ZMAT4: variants seen among roughly 807,000 people sequenced by gnomAD.
The protein encoded by ZMAT4 is zinc finger matrin-type protein 4.
A neutral mutation model predicts 28.7 loss-of-function variants in ZMAT4; 17 were observed. The observed-to-expected ratio is 0.59, with a 90% confidence interval of 0.41 to 0.89. The LOEUF is 0.89. Ranked by LOEUF, ZMAT4 falls within the 40% of genes least tolerant of loss-of-function variation. The probability of loss-of-function intolerance (pLI) is 0.00; values close to 1 mark genes in which losing one functional copy is unlikely to be tolerated. For synonymous variants in ZMAT4, 117 were observed against 109.2 expected (o/e 1.07, Z -0.44); for missense variants, 240 against 283.8 (o/e 0.85, Z 1.11).
At chr8:40,684,289 A>G (rs1809304622) in intron 4 of ZMAT4, among the ~76,000 whole-genome samples, 1 of 152,218 alleles carries the variant, frequency 6.6e-6, no homozygotes. Context: ...TGATCTGCTA[A>G]CTGGGCACTG....
chr8:40,679,373 C>A (rs1054506945), intron 4 of ZMAT4, among the ~76,000 whole-genome samples: 1 of 152,092 alleles, frequency 6.6e-6, no homozygotes, highest in African/African-American at 2.4e-5. Context: ...TCTCACCCTA[C>A]TAATAAAGAC....
At chr8:40,867,100 T>A (rs1454972684) in intron 1 of ZMAT4, among the ~76,000 whole-genome samples, 1 of 152,202 alleles carries the variant, frequency 6.6e-6, no homozygotes, top group Non-Finnish European at 1.5e-5. Context: ...CTCTAGCCGA[T>A]GTTATTGCAA....
chr8:40,889,031 A>G (rs1818571172), intron 1 of ZMAT4, among the ~76,000 whole-genome samples: 1 of 152,224 alleles, frequency 6.6e-6, no homozygotes, highest in Non-Finnish European at 1.5e-5. Flanking sequence ...CATACCTAAC[A>G]AAACCACTCA....
chr8:40,581,933 CT>C (rs1804478353), intron 5 of ZMAT4, among the ~76,000 whole-genome samples: 1 of 152,180 alleles, frequency 6.6e-6, no homozygotes, highest in Admixed American at 6.5e-5. Context: ...AAAATCTTGA[CT>C]GATCTAGAGC....
chr8:40,880,357 G>A (rs1434057653), intron 1 of ZMAT4, among the ~76,000 whole-genome samples: 1 of 145,388 alleles, frequency 6.9e-6, no homozygotes, highest in Non-Finnish European at 1.5e-5. Flanking sequence ...CAACAAGAGC[G>A]AAACTCCATC....
intron 4 of ZMAT4, among the ~76,000 whole-genome samples, chr8:40,686,434 C>T (rs1434031791): frequency 6.6e-6 from 1 of 151,922 alleles, no homozygotes. Context: ...CACTGTACTC[C>T]AACCTGGGTA....
chr8:40,746,113 CAAATTT>C (rs1481228780), intron 3 of ZMAT4, among the ~76,000 whole-genome samples: 1 of 152,076 alleles, frequency 6.6e-6, no homozygotes, highest in Non-Finnish European at 1.5e-5. Context: ...AGCTCACACA[CAAATTT>C]AACTCTTCCA....
rs532588476 is a variant in ZMAT4, at chr8:40,847,584, G to A, written c.-4-21904C>T. Among the ~76,000 whole-genome samples the A allele has an allele frequency of 6.6e-5, 10 of 152,334 alleles. No individual in the cohort carries two copies. The South Asian group carries it at 1.0e-3, about 16-fold the overall frequency. ...CTGGGAAATTTCCGCTTCTTCCTCTGCAGCATGTCAGGTATGCTCTGAGAC... is the reference window on the plus strand; with the variant it reads ...CTGGGAAATTTCCGCTTCTTCCTCTACAGCATGTCAGGTATGCTCTGAGAC... On this transcript the variant is annotated intron_variant, in intron 1 of 6. Transcript: ENST00000297737.
chr8:40,702,303 C>CG (rs758009960), intron 3 of ZMAT4, among the ~76,000 whole-genome samples: 80 of 152,106 alleles, frequency 5.3e-4, no homozygotes, highest in Admixed American at 1.2e-3. Flanking sequence ...ATATATAGCC[C>CG]GGGGTAGAAA....
chr8:40,646,065 T>C (rs1255717386), intron 5 of ZMAT4, among the ~76,000 whole-genome samples: 2 of 151,982 alleles, frequency 1.3e-5, no homozygotes, highest in Admixed American at 1.3e-4. Flanking sequence ...CTAATATATA[T>C]TATAAACCAT....
At chr8:40,826,743 A>G (rs1423355837) in intron 1 of ZMAT4, among the ~76,000 whole-genome samples, 1 of 152,166 alleles carries the variant, frequency 6.6e-6, no homozygotes, top group Non-Finnish European at 1.5e-5. Flanking sequence ...TGATCCCACA[A>G]AGTAAATAAA....
chr8:40,642,163 T>C (rs1807061155), intron 5 of ZMAT4, among the ~76,000 whole-genome samples: 1 of 152,204 alleles, frequency 6.6e-6, no homozygotes, highest in African/African-American at 2.4e-5. Flanking sequence ...CCCAAATACC[T>C]GCATACTTAT....
intron 2 of ZMAT4, among the ~76,000 whole-genome samples, chr8:40,817,716 C>G (rs1815600724): frequency 1.3e-5 from 2 of 152,176 alleles, no homozygotes; most frequent in Admixed American, 6.5e-5. Flanking sequence ...GAGGCCCACT[C>G]CTGGAGATCC....
chr8:40,881,934 G>A (rs995609406), intron 1 of ZMAT4, among the ~76,000 whole-genome samples: 9 of 152,104 alleles, frequency 5.9e-5, no homozygotes, highest in African/African-American at 1.9e-4. Flanking sequence ...CATGTAGCGC[G>A]CAGAATCACC....
intron 1 of ZMAT4, among the ~76,000 whole-genome samples, chr8:40,855,884 T>A (rs1817279904): frequency 6.6e-6 from 1 of 151,760 alleles, no homozygotes; most frequent in South Asian, 2.1e-4. Context: ...AGAGATGGGG[T>A]CTCGCTATGT....
chr8:40,728,350 G>C (rs1462163694), intron 3 of ZMAT4, among the ~76,000 whole-genome samples: 3 of 152,176 alleles, frequency 2.0e-5, no homozygotes, highest in African/African-American at 7.2e-5. Flanking sequence ...CCTTAACACA[G>C]TATAAATTTT....
At chr8:40,781,609 A>C (rs1314270552) in intron 2 of ZMAT4, among the ~76,000 whole-genome samples, 1 of 150,234 alleles carries the variant, frequency 6.7e-6, no homozygotes, top group Non-Finnish European at 1.5e-5. Context: ...AAAAATACAA[A>C]AAATTAGCCG....
intron 6 of ZMAT4, among the ~76,000 whole-genome samples, chr8:40,579,507 C>T (rs541999000): frequency 6.6e-6 from 1 of 152,212 alleles, no homozygotes; most frequent in East Asian, 1.9e-4. Context: ...AGTAAGAGTC[C>T]TCTGGGCGGA....
At chr8:40,619,946 C>A (rs1806138264) in intron 5 of ZMAT4, among the ~76,000 whole-genome samples, 1 of 152,168 alleles carries the variant, frequency 6.6e-6, no homozygotes, top group Non-Finnish European at 1.5e-5. Context: ...GCCCAAGACA[C>A]TTCAATTTAG....
Sources: gnomAD v4.1 joint callset for allele counts (sites outside exome capture counted in the v4.1 genomes callset) on GRCh38, gnomAD v4.1.1 for gene constraint, MANE v1.5 for transcripts, NCBI Gene and HGNC (gene_info 2026-07-23, HGNC 2026-07-21) for gene names.